Variants in PTPRG observed in about 807,000 individuals in gnomAD.
The protein encoded by PTPRG is protein tyrosine phosphatase receptor type G, also known as receptor-type tyrosine-protein phosphatase gamma.
PTPRG carries 102 observed loss-of-function variants against 165.3 expected under a neutral mutation model. The ratio of observed to expected loss-of-function variants is 0.62; its 90% confidence interval spans 0.53 to 0.73. PTPRG has a LOEUF of 0.73. PTPRG is among the 30% of genes least tolerant of loss of function. The probability of loss-of-function intolerance (pLI) is 0.00; values close to 1 mark genes in which losing one functional copy is unlikely to be tolerated. For synonymous variants in PTPRG, 675 were observed against 669.5 expected (o/e 1.01, Z -0.13); for missense variants, 1,866 against 1,861.4 (o/e 1.00, Z -0.05).
At position 62,271,369 on chromosome 3, in the gene PTPRG, C is replaced by T; in HGVS notation, c.3010-14C>T. 6.3e-7 allele frequency: 1 copy of T among 1,575,462 alleles called. No individual in the cohort carries two copies. The highest frequency in any genetic ancestry group is 8.6e-7 in the Non-Finnish European group (1 of 1,162,346). On this transcript the variant is annotated splice_polypyrimidine_tract_variant and intron_variant, in intron 20 of 29. Coordinates refer to ENST00000474889, the MANE Select transcript of PTPRG (RefSeq NM_002841.4). The surrounding 1 kb of genome is among the most constrained non-coding windows in gnomAD (Gnocchi z 4.1). ...CCCCCCGCTTAAAGACATCTTTTTTCACTTTTCTCACAGGGTCAGAAGGGA... is the reference window on the plus strand; with the variant it reads ...CCCCCCGCTTAAAGACATCTTTTTTTACTTTTCTCACAGGGTCAGAAGGGA...
intron 4 of PTPRG, among the ~76,000 whole-genome samples, chr3:62,073,203 T>C (rs1468109951): frequency 6.6e-6 from 1 of 152,164 alleles, no homozygotes; most frequent in Non-Finnish European, 1.5e-5. Flanking sequence ...AATTCCTTAC[T>C]CTAGAATGCC....
At chr3:61,706,070 A>C (rs1331665062) in intron 1 of PTPRG, among the ~76,000 whole-genome samples, 2 of 152,166 alleles carry the variant, frequency 1.3e-5, no homozygotes, top group Non-Finnish European at 2.9e-5. Context: ...AAAATGATTG[A>C]TTATGAGGAA....
At chr3:62,158,677 G>A (rs926398638) in intron 7 of PTPRG, among the ~76,000 whole-genome samples, 1 of 152,128 alleles carries the variant, frequency 6.6e-6, no homozygotes, top group African/African-American at 2.4e-5. Context: ...AAGAAGGTAG[G>A]GGCAGTAGAG....
intron 8 of PTPRG, among the ~76,000 whole-genome samples, chr3:62,173,956 A>G (rs545591896): frequency 2.6e-5 from 4 of 152,244 alleles, no homozygotes; most frequent in Non-Finnish European, 5.9e-5. Context: ...AAAGACTTCT[A>G]TATGGATGTC....
chr3:61,836,950 G>A (rs371063463), intron 2 of PTPRG, among the ~76,000 whole-genome samples: 12 of 148,656 alleles, frequency 8.1e-5, no homozygotes, highest in African/African-American at 1.2e-4. Flanking sequence ...TTGCTCAGTC[G>A]CCCAGGCTGG....
intron 5 of PTPRG, among the ~76,000 whole-genome samples, chr3:62,125,944 A>G (rs1031393238): frequency 3.3e-5 from 5 of 152,066 alleles, no homozygotes; most frequent in African/African-American, 1.2e-4. Context: ...AAGGACAAAA[A>G]TCACCATGCG....
At chr3:62,120,187 G>C (rs1042979278) in intron 5 of PTPRG, among the ~76,000 whole-genome samples, 3 of 152,138 alleles carry the variant, frequency 2.0e-5, no homozygotes, top group South Asian at 2.1e-4. Flanking sequence ...AAGAATTGGA[G>C]GGTACAGCAG....
At chr3:61,616,849 G>A (rs1701311635) in intron 1 of PTPRG, among the ~76,000 whole-genome samples, 2 of 152,206 alleles carry the variant, frequency 1.3e-5, no homozygotes, top group African/African-American at 4.8e-5. Context: ...TGGGACTGAG[G>A]CACTGCTGCT....
chr3:61,821,870 T>A (rs2035967794), intron 2 of PTPRG, among the ~76,000 whole-genome samples: 1 of 152,214 alleles, frequency 6.6e-6, no homozygotes, highest in South Asian at 2.1e-4. Flanking sequence ...ATTTTCTCCA[T>A]TTTACAGATG....
At chr3:61,819,173 T>TG (rs2107247417) in intron 2 of PTPRG, among the ~76,000 whole-genome samples, 1 of 152,092 alleles carries the variant, frequency 6.6e-6, no homozygotes, top group South Asian at 2.1e-4. Context: ...GGATAGAAAA[T>TG]GTGAACCATG....
intron 28 of PTPRG, among the ~76,000 whole-genome samples, chr3:62,286,369 A>C (rs1430943933): frequency 6.6e-6 from 1 of 152,134 alleles, no homozygotes; most frequent in African/African-American, 2.4e-5. Context: ...TTCAAAAGGA[A>C]GCTGCATTTC....
chr3:62,063,046 C>T (rs541870540), intron 4 of PTPRG, among the ~76,000 whole-genome samples: 2 of 152,338 alleles, frequency 1.3e-5, no homozygotes, highest in South Asian at 2.1e-4. Context: ...TGTTTTAAGT[C>T]ATCATCATTC....
intron 4 of PTPRG, among the ~76,000 whole-genome samples, chr3:62,064,045 G>C (rs1249858078): frequency 6.6e-6 from 1 of 152,172 alleles, no homozygotes; most frequent in East Asian, 1.9e-4. Context: ...GGATCTATTA[G>C]ATTCACCCTC....
At chr3:61,706,726 G>T (rs1239193180) in intron 1 of PTPRG, among the ~76,000 whole-genome samples, 1 of 152,024 alleles carries the variant, frequency 6.6e-6, no homozygotes, top group African/African-American at 2.4e-5. Flanking sequence ...CTGACCTCAG[G>T]TGATCCACCC....
intron 4 of PTPRG, among the ~76,000 whole-genome samples, chr3:62,012,494 T>A (rs1171278757): frequency 6.6e-6 from 1 of 152,180 alleles, no homozygotes; most frequent in Non-Finnish European, 1.5e-5. Flanking sequence ...TGGGAACATT[T>A]ACTTATATAT....
intron 5 of PTPRG, among the ~76,000 whole-genome samples, chr3:62,098,691 T>C (rs1341762167): frequency 6.6e-6 from 1 of 152,214 alleles, no homozygotes; most frequent in Non-Finnish European, 1.5e-5. Flanking sequence ...GAAACCTGGT[T>C]TTTCTGTAGT....
intron 8 of PTPRG, among the ~76,000 whole-genome samples, chr3:62,182,507 C>G (rs60508602): frequency 0.26 from 40,135 of 152,056 alleles, 5,769 homozygotes; most frequent in African/African-American, 0.37. Flanking sequence ...CTCTGTTTTA[C>G]GGAGATTCTG....
intron 7 of PTPRG, among the ~76,000 whole-genome samples, chr3:62,165,771 C>G (rs1050391149): frequency 2.0e-5 from 3 of 152,128 alleles, no homozygotes; most frequent in Non-Finnish European, 4.4e-5. Flanking sequence ...AATTCATATA[C>G]TTCAATGATT....
chr3:62,095,818 A>G (rs1343276671), intron 5 of PTPRG, among the ~76,000 whole-genome samples: 1 of 152,096 alleles, frequency 6.6e-6, no homozygotes. Context: ...CTAGAGTGGA[A>G]ATTACAGGCT....
Sources: gnomAD v4.1 joint callset for allele counts (sites outside exome capture counted in the v4.1 genomes callset) on GRCh38, gnomAD v4.1.1 for gene constraint, Gnocchi (gnomAD v3.1) non-coding constraint, MANE v1.5 for transcripts, NCBI Gene and HGNC (gene_info 2026-07-23, HGNC 2026-07-21) for gene names.